The following KIF6 variants were observed in gnomAD, a reference collection of about 807,000 sequenced individuals.
KIF6 encodes kinesin-like protein KIF6.
A neutral mutation model predicts 112.7 loss-of-function variants in KIF6; 106 were observed. The ratio of observed to expected loss-of-function variants is 0.94; its 90% CI spans 0.80 to 1.11. The LOEUF is 1.11. KIF6 is among the 50% of genes least tolerant of loss of function. KIF6 has a pLI of 0.00. For missense variants in KIF6, 929 were observed against 964.0 expected (o/e 0.96, Z 0.48); for synonymous variants, 339 against 339.9 (o/e 1.00, Z 0.03).
In KIF6 at chr6:39,674,913, G is replaced by A. The variant is rs200537030; in HGVS notation, c.252-35156C>T. Among the ~76,000 whole-genome samples the A allele has an allele frequency of 2.6e-5, 4 of 151,440 alleles. No homozygotes were observed. In the East Asian group the frequency reaches 7.8e-4, roughly 29 times the overall value. ...GTAACAGGGATCAATAAAAAGTCTT[G>A]CAGCACAATAATAACAAACAAATTA... On this transcript the variant is annotated intron_variant, in intron 3 of 22. Transcript: ENST00000287152.
At chr6:39,706,051 T>C (rs527487482) in intron 3 of KIF6, among the ~76,000 whole-genome samples, 1 of 152,316 alleles carries the variant, frequency 6.6e-6, no homozygotes, top group African/African-American at 2.4e-5. Context: ...CCCAACTAAC[T>C]TTTTAATCCA....
chr6:39,605,279 C>A (rs1782823336), intron 6 of KIF6, among the ~76,000 whole-genome samples: 1 of 152,040 alleles, frequency 6.6e-6, no homozygotes, highest in Non-Finnish European at 1.5e-5. Flanking sequence ...TCTACTCTGT[C>A]CATTTTTCAT....
chr6:39,705,780 G>C (rs1218137825), intron 3 of KIF6, among the ~76,000 whole-genome samples: 3 of 152,118 alleles, frequency 2.0e-5, no homozygotes, highest in African/African-American at 7.2e-5. Context: ...TTCCCCAGTG[G>C]GTACCAGTAG....
chr6:39,583,419 G>A lies in KIF6; in HGVS notation c.1077+1479C>T, dbSNP rs759637798. 1.2e-4 allele frequency: 56 copies of A among 471,610 alleles called. 2 individuals are homozygous for A. The highest frequency in any genetic ancestry group is 8.7e-4 in the South Asian group (56 of 64,562). 29.2% of individuals were successfully genotyped at this position (471,610 alleles called of 1,614,324 possible). On this transcript the variant is annotated intron_variant, in intron 9 of 22. Coordinates refer to ENST00000287152, the MANE Select transcript of KIF6 (RefSeq NM_145027.6). ...CCTGACCAGGGCCTTTGCTGAAACAGATCCTGCCTCACTCATTGGTTTCTG... is the reference window on the plus strand; with the variant it reads ...CCTGACCAGGGCCTTTGCTGAAACAAATCCTGCCTCACTCATTGGTTTCTG...
intron 14 of KIF6, among the ~76,000 whole-genome samples, chr6:39,430,352 T>C (rs1771064541): frequency 6.6e-6 from 1 of 152,200 alleles, no homozygotes; most frequent in Non-Finnish European, 1.5e-5. Context: ...CAAATAGTTC[T>C]TGAAAACTTA....
chr6:39,617,727 C>T (rs749906172), intron 5 of KIF6: 1 of 455,372 alleles, frequency 2.2e-6, no homozygotes, highest in Non-Finnish European at 4.4e-6. Flanking sequence ...ATAAAGGTGA[C>T]TTGAGGTCAT....
At chr6:39,605,325 C>T (rs1440097253) in intron 6 of KIF6, among the ~76,000 whole-genome samples, 2 of 151,754 alleles carry the variant, frequency 1.3e-5, no homozygotes, top group Non-Finnish European at 2.9e-5. Context: ...TCTTTTTTCT[C>T]TTCCTATTAA....
chr6:39,724,498 C>G (rs1452965042), intron 1 of KIF6, among the ~76,000 whole-genome samples: 4 of 149,640 alleles, frequency 2.7e-5, no homozygotes, highest in Non-Finnish European at 5.9e-5. Context: ...TATCATTGCT[C>G]AGAGTCAGGG....
chr6:39,416,993 T>C (rs563126757), intron 15 of KIF6, among the ~76,000 whole-genome samples: 1 of 152,268 alleles, frequency 6.6e-6, no homozygotes, highest in South Asian at 2.1e-4. Flanking sequence ...GGCAAATTCA[T>C]GTCATGCTCC....
intron 13 of KIF6, among the ~76,000 whole-genome samples, chr6:39,510,152 G>A (rs541931509): frequency 8.6e-5 from 13 of 150,426 alleles, no homozygotes; most frequent in African/African-American, 2.4e-4. Context: ...GGAGTGCAGC[G>A]GCATGATCTT....
intron 3 of KIF6, among the ~76,000 whole-genome samples, chr6:39,689,481 G>A (rs1048437789): frequency 2.0e-5 from 3 of 151,166 alleles, no homozygotes; most frequent in Non-Finnish European, 4.4e-5. Context: ...TGGGTGACAG[G>A]GTAAGAAACT....
chr6:39,503,338 A>C (rs1373764962), intron 13 of KIF6, among the ~76,000 whole-genome samples: 27 of 152,236 alleles, frequency 1.8e-4, no homozygotes, highest in Admixed American at 1.8e-3. Flanking sequence ...ATGCAGCTAA[A>C]GCTGTGTTAC....
chr6:39,357,727 G>A (rs1361977841), intron 18 of KIF6, among the ~76,000 whole-genome samples: 1 of 152,142 alleles, frequency 6.6e-6, no homozygotes, highest in Non-Finnish European at 1.5e-5. Flanking sequence ...GGGATTACAG[G>A]CATGAGCCAC....
intron 6 of KIF6, among the ~76,000 whole-genome samples, chr6:39,603,704 A>AT (rs1038809372): frequency 6.6e-6 from 1 of 151,918 alleles, no homozygotes; most frequent in Non-Finnish European, 1.5e-5. Context: ...TGTAAAATTA[A>AT]TTTTTTTCTG....
rs73732132 is a variant in KIF6 at position 39,540,875 on chromosome 6, C to T, written c.1427-654G>A. Among the ~76,000 whole-genome samples, 405 of 152,320 alleles carry T rather than the reference C, an allele frequency of 2.7e-3. 1 individual carries two copies. Among genetic ancestry groups the T allele is most frequent in the African/African-American group, 9.0e-3 (375 of 41,576 alleles). ...CATTTTAAAATGCACCTTCTGTAGG[C>T]CATTGAGATATGCCAGGACCATTGA... is the stretch of plus-strand genomic sequence containing the variant. On this transcript the variant is annotated intron_variant, in intron 12 of 22. Coordinates refer to ENST00000287152, the MANE Select transcript of KIF6 (RefSeq NM_145027.6).
At chr6:39,687,513 AT>A (rs1429914221) in intron 3 of KIF6, among the ~76,000 whole-genome samples, 9 of 152,334 alleles carry the variant, frequency 5.9e-5, no homozygotes, top group African/African-American at 1.9e-4. Context: ...TCATTCTTTC[AT>A]TCTTTCCTGG....
intron 10 of KIF6, among the ~76,000 whole-genome samples, chr6:39,567,798 G>A (rs1010521899): frequency 1.1e-4 from 16 of 152,016 alleles, no homozygotes; most frequent in African/African-American, 1.9e-4. Context: ...TAGTACAGAC[G>A]GGGTTTCACT....
At chr6:39,430,799 G>A (rs1233149350) in intron 14 of KIF6, among the ~76,000 whole-genome samples, 1 of 152,206 alleles carries the variant, frequency 6.6e-6, no homozygotes, top group Non-Finnish European at 1.5e-5. Context: ...TGTGAGAATT[G>A]TAAATCACGT....
At chr6:39,693,208 C>A (rs964017341) in intron 3 of KIF6, among the ~76,000 whole-genome samples, 2 of 152,206 alleles carry the variant, frequency 1.3e-5, no homozygotes, top group African/African-American at 4.8e-5. Context: ...AAGGGCACCA[C>A]AGTAGCACAA....
Sources: gnomAD v4.1 joint callset for allele counts (sites outside exome capture counted in the v4.1 genomes callset) on GRCh38, gnomAD v4.1.1 for gene constraint, MANE v1.5 for transcripts, NCBI Gene and HGNC (gene_info 2026-07-23, HGNC 2026-07-21) for gene names.